The following NME7 variants were observed in gnomAD, a reference collection of about 807,000 sequenced individuals.
NME7 encodes nucleoside diphosphate kinase 7.
Under a neutral mutation model 49.1 loss-of-function variants are expected in NME7, and 41 were observed. The ratio of observed to expected loss-of-function variants is 0.83; its 90% CI spans 0.65 to 1.08. The LOEUF is 1.08. Ranked by LOEUF, NME7 falls within the 50% of genes least tolerant of loss-of-function variation. The pLI is 0.00. For missense variants in NME7, 423 were observed against 463.4 expected, an observed-to-expected ratio of 0.91 and a Z score of 0.80; for synonymous variants, 139 against 150.6, an observed-to-expected ratio of 0.92 and a Z score of 0.56.
chr1:169,341,715 C>T (rs1461927808), intron 1 of NME7, among the ~76,000 whole-genome samples: 2 of 152,110 alleles, frequency 1.3e-5, no homozygotes, highest in East Asian at 3.9e-4. Context: ...CATCAGCATG[C>T]CCTGGGTGTG....
At chr1:169,274,828 C>G (rs1451904787) in intron 7 of NME7, among the ~76,000 whole-genome samples, 1 of 133,294 alleles carries the variant, frequency 7.5e-6, no homozygotes, top group Non-Finnish European at 1.8e-5. Context: ...TCATCTATCT[C>G]TCTGTTTTGG....
intron 11 of NME7, among the ~76,000 whole-genome samples, chr1:169,144,595 G>C (rs961636735): frequency 2.0e-5 from 3 of 152,056 alleles, no homozygotes; most frequent in Non-Finnish European, 2.9e-5. Flanking sequence ...TGTCAATTTC[G>C]ATAACAATTT....
chr1:169,338,208 T>C (rs1652554807), intron 1 of NME7, among the ~76,000 whole-genome samples: 1 of 152,248 alleles, frequency 6.6e-6, no homozygotes, highest in South Asian at 2.1e-4. Flanking sequence ...AATTACAGTT[T>C]AAAATTTCTT....
intron 6 of NME7, among the ~76,000 whole-genome samples, chr1:169,295,302 A>G (rs1458889558): frequency 6.6e-6 from 1 of 152,176 alleles, no homozygotes; most frequent in African/African-American, 2.4e-5. Context: ...AAAATCTAAC[A>G]AGTATATTTA....
intron 10 of NME7, among the ~76,000 whole-genome samples, chr1:169,177,445 T>A (rs1390904849): frequency 6.6e-6 from 1 of 152,152 alleles, no homozygotes; most frequent in South Asian, 2.1e-4. Context: ...AGTTGAATCA[T>A]ACCACTTTCC....
intron 9 of NME7, among the ~76,000 whole-genome samples, 190 bp downstream of exon 9, chr1:169,234,941 C>T (rs1021512827): frequency 2.0e-5 from 3 of 152,066 alleles, no homozygotes; most frequent in Admixed American, 6.6e-5. Context: ...AAATTTGGCT[C>T]GCTCTCTCCT....
intron 7 of NME7, among the ~76,000 whole-genome samples, chr1:169,262,123 A>AC (rs142173730): frequency 0.089 from 11,917 of 133,670 alleles, 3,211 homozygotes; most frequent in East Asian, 0.75. Context: ...CATGATGAGC[A>AC]ATTTCCATTG....
Position 169,367,712 on chromosome 1 carries a change from G to T in NME7, c.-2C>A. The T allele has an allele frequency of 1.2e-6, 2 of 1,614,112 alleles. No individual in the cohort carries two copies. Among genetic ancestry groups the T allele is most frequent in the African/African-American group, 2.7e-5 (2 of 75,038 alleles). On this transcript the variant is annotated 5_prime_UTR_variant, in exon 1 of 12. Transcript: ENST00000367811. Reference sequence around the variant, plus strand: ...CTGGCATCCCCTGGCACTCACCATTGTCTCAGGATCTCAGCACTAGAAAAT... The same window carrying T: ...CTGGCATCCCCTGGCACTCACCATTTTCTCAGGATCTCAGCACTAGAAAAT...
At chr1:169,155,847 T>C (rs372673794) in intron 11 of NME7, among the ~76,000 whole-genome samples, 1 of 151,258 alleles carries the variant, frequency 6.6e-6, no homozygotes, top group Non-Finnish European at 1.5e-5. Context: ...AGAGAACAAC[T>C]TGACTTAATG....
intron 6 of NME7, among the ~76,000 whole-genome samples, chr1:169,292,959 T>A (rs909510574): frequency 6.6e-6 from 1 of 152,066 alleles, no homozygotes; most frequent in Non-Finnish European, 1.5e-5. Context: ...CAAATTTCTT[T>A]CCTAGAGATG....
At chr1:169,237,310 T>C (rs1647896350) in intron 8 of NME7, among the ~76,000 whole-genome samples, 1 of 152,152 alleles carries the variant, frequency 6.6e-6, no homozygotes, top group African/African-American at 2.4e-5. Flanking sequence ...TTCTACTTTT[T>C]GTTTATAAGA....
chr1:169,188,968 T>C (rs1660146397), intron 10 of NME7, among the ~76,000 whole-genome samples: 1 of 152,184 alleles, frequency 6.6e-6, no homozygotes, highest in Non-Finnish European at 1.5e-5. Context: ...TCATGGACAC[T>C]GTCAGTCATA....
At chr1:169,176,511 G>A (rs1659754650) in intron 10 of NME7, among the ~76,000 whole-genome samples, 2 of 152,040 alleles carry the variant, frequency 1.3e-5, no homozygotes, top group Non-Finnish European at 2.9e-5. Flanking sequence ...TAAATTTATA[G>A]AACCTGAAGA....
chr1:169,334,039 C>A (rs962655991), intron 1 of NME7, among the ~76,000 whole-genome samples: 3 of 152,118 alleles, frequency 2.0e-5, no homozygotes, highest in Admixed American at 6.5e-5. Context: ...TTTGTTCATA[C>A]AAAAGTGCTC....
At chr1:169,325,243 G>C (rs1218890929) in intron 1 of NME7, among the ~76,000 whole-genome samples, 1 of 152,196 alleles carries the variant, frequency 6.6e-6, no homozygotes, top group Non-Finnish European at 1.5e-5. Context: ...GAAAGGTTCT[G>C]TAAGCCCATC....
intron 10 of NME7, among the ~76,000 whole-genome samples, chr1:169,178,518 C>T (rs1056294956): frequency 3.3e-5 from 5 of 152,086 alleles, no homozygotes; most frequent in African/African-American, 9.7e-5. Flanking sequence ...AAATCAATAG[C>T]TCCAGTGGCA....
At chr1:169,279,046 T>A (rs1649881189) in intron 7 of NME7, among the ~76,000 whole-genome samples, 1 of 152,090 alleles carries the variant, frequency 6.6e-6, no homozygotes, top group Admixed American at 6.5e-5. Flanking sequence ...CCTCTTGAAG[T>A]TTTGTCTCAG....
At position 169,216,654 on chromosome 1, in the gene NME7, A is replaced by G. The variant is rs1425368498; in HGVS notation, c.990+14064T>C. On this transcript the variant is annotated intron_variant, in intron 10 of 11. Coordinates refer to ENST00000367811, the MANE Select transcript of NME7 (RefSeq NM_013330.5). ...TAGCAAGTCAGTAAAAGCACAAGCAAAACAATCTGGGAATTGCAATTAGCA... is the reference window on the plus strand; with the variant it reads ...TAGCAAGTCAGTAAAAGCACAAGCAGAACAATCTGGGAATTGCAATTAGCA... Among the ~76,000 whole-genome samples the G allele has an allele frequency of 2.0e-5, 3 of 152,256 alleles. No homozygotes were observed. The East Asian group carries it at 5.8e-4, about 29-fold the overall frequency.
chr1:169,251,064 C>T (rs1007684537), intron 7 of NME7, among the ~76,000 whole-genome samples: 2 of 151,842 alleles, frequency 1.3e-5, no homozygotes, highest in East Asian at 1.9e-4. Flanking sequence ...CTAGTGTTGT[C>T]GGTGGACTGT....
Sources: gnomAD v4.1 joint callset for allele counts (sites outside exome capture counted in the v4.1 genomes callset) on GRCh38, gnomAD v4.1.1 for gene constraint, MANE v1.5 for transcripts, NCBI Gene and HGNC (gene_info 2026-07-23, HGNC 2026-07-21) for gene names.